DOCK3: variants seen among roughly 807,000 people sequenced by gnomAD.
DOCK3 encodes the protein dedicator of cytokinesis protein 3.
DOCK3 carries 60 observed loss-of-function variants against 265.6 expected under a neutral mutation model. That is an observed-to-expected ratio of 0.23 (90% confidence interval 0.18 to 0.28). DOCK3 has a LOEUF of 0.28. Among genes scored for constraint, DOCK3 ranks in the 10% least tolerant of loss-of-function variants. DOCK3 has a pLI of 1.00. For missense variants in DOCK3, 1,981 were observed against 2,594.3 expected (o/e 0.76, Z 5.14); for synonymous variants, 881 against 938.0 (o/e 0.94, Z 1.11).
intron 9 of DOCK3, among the ~76,000 whole-genome samples, chr3:51,133,888 G>A (rs1186225867): frequency 2.0e-5 from 3 of 152,070 alleles, no homozygotes; most frequent in Non-Finnish European, 4.4e-5. Context: ...CAGGTACTAA[G>A]CCTAGTACCT....
At chr3:50,959,210 AT>A (rs1375668880) in intron 5 of DOCK3, among the ~76,000 whole-genome samples, 1 of 152,158 alleles carries the variant, frequency 6.6e-6, no homozygotes, top group Non-Finnish European at 1.5e-5. Flanking sequence ...GCATTTATTG[AT>A]GAATGGGTTG....
chr3:51,265,978 T>C (rs1469360642), intron 23 of DOCK3, among the ~76,000 whole-genome samples: 1 of 152,206 alleles, frequency 6.6e-6, no homozygotes, highest in Admixed American at 6.5e-5. Flanking sequence ...CTCCTTAAGC[T>C]GATAAGCAAC....
At chr3:51,134,865 C>T (rs1414098103) in intron 9 of DOCK3, among the ~76,000 whole-genome samples, 1 of 152,162 alleles carries the variant, frequency 6.6e-6, no homozygotes, top group African/African-American at 2.4e-5. Flanking sequence ...AACTTTACTA[C>T]TCTCTACTTT....
chr3:50,870,396 C>T (rs1002871585), intron 3 of DOCK3, among the ~76,000 whole-genome samples: 2 of 152,038 alleles, frequency 1.3e-5, no homozygotes, highest in African/African-American at 4.8e-5. Context: ...TAATTTTTGT[C>T]TTGAAATCTA....
In DOCK3 at chr3:51,354,976, A is replaced by G. The variant is rs759049811; in HGVS notation, c.4202A>G (p.Gln1401Arg). Residue 1401 changes from glutamine to arginine, a missense_variant, in exon 41 of 53, where the codon CAG becomes CGG. Physicochemically the swap from Gln to Arg is conservative, Grantham distance 43. Transcript: ENST00000266037. ...GAGTTTCCGCAGGCTGTCGCCATGC[A>G]GCACCCCAACCATCCTGATGACGCC... is the stretch of plus-strand genomic sequence containing the variant. ...LSEFPQAVAM[Q>R]HPNHPDDAIL... is the part of the protein sequence containing the mutation. 1 of 1,613,926 alleles carries G rather than the reference A, an allele frequency of 6.2e-7. No homozygotes were observed. The highest frequency in any genetic ancestry group is 8.5e-7 in the Non-Finnish European group (1 of 1,179,850).
intron 24 of DOCK3, among the ~76,000 whole-genome samples, chr3:51,272,629 A>T (rs2108896304): frequency 6.6e-6 from 1 of 151,974 alleles, no homozygotes; most frequent in African/African-American, 2.4e-5. Context: ...TTCTCAGCCC[A>T]CTGCTACACA....
At chr3:50,724,513 A>T (rs1252506093) in intron 1 of DOCK3, among the ~76,000 whole-genome samples, 1 of 152,208 alleles carries the variant, frequency 6.6e-6, no homozygotes, top group East Asian at 1.9e-4. Flanking sequence ...ATGCAGCCAT[A>T]AAAAAGGATG....
chr3:51,058,564 A>G (rs1222599227), intron 5 of DOCK3, among the ~76,000 whole-genome samples: 1 of 152,224 alleles, frequency 6.6e-6, no homozygotes, highest in African/African-American at 2.4e-5. Flanking sequence ...GTACATGTAT[A>G]TGCATTAATA....
At chr3:50,832,929 T>C (rs1193480108) in intron 2 of DOCK3, among the ~76,000 whole-genome samples, 2 of 152,206 alleles carry the variant, frequency 1.3e-5, no homozygotes, top group African/African-American at 4.8e-5. Context: ...TAATAAGTCT[T>C]CAATTTAAGA....
chr3:51,032,627 G>C (rs1357647247), intron 5 of DOCK3, among the ~76,000 whole-genome samples: 1 of 152,086 alleles, frequency 6.6e-6, no homozygotes, highest in Admixed American at 6.6e-5. Flanking sequence ...AAATGTGGAA[G>C]CTGGGTACAG....
At chr3:50,701,880 G>A (rs976455176) in intron 1 of DOCK3, among the ~76,000 whole-genome samples, 3 of 152,226 alleles carry the variant, frequency 2.0e-5, no homozygotes, top group Admixed American at 6.5e-5. Context: ...GCTGTAAATA[G>A]GTGGATTTAT....
intron 29 of DOCK3, 93 bp downstream of exon 29, chr3:51,312,172 A>G: frequency 8.6e-7 from 1 of 1,160,636 alleles, no homozygotes; most frequent in East Asian, 2.6e-5. Context: ...TAATAGATTC[A>G]TAGTATCAAA....
intron 45 of DOCK3, 31 bp from the exon 46 acceptor site, chr3:51,357,930 C>T: frequency 6.2e-7 from 1 of 1,613,530 alleles, no homozygotes. Context: ...ACTCATGGTT[C>T]ACAGAGTGGC....
chr3:50,913,013 A>G (rs1430954270), intron 4 of DOCK3, among the ~76,000 whole-genome samples: 1 of 152,036 alleles, frequency 6.6e-6, no homozygotes, highest in African/African-American at 2.4e-5. Context: ...ACTTTTCTCA[A>G]GCGGAAGTCT....
At chr3:51,198,471 T>C (rs1403247817) in intron 12 of DOCK3, among the ~76,000 whole-genome samples, 1 of 149,988 alleles carries the variant, frequency 6.7e-6, no homozygotes. Context: ...AGTCAAAGAG[T>C]GACAGAGACT....
At chr3:51,372,094 G>A (rs778586162) in intron 49 of DOCK3, among the ~76,000 whole-genome samples, 33 of 152,274 alleles carry the variant, frequency 2.2e-4, no homozygotes, top group Middle Eastern at 6.8e-3. Flanking sequence ...GCACTGTATC[G>A]GTCAATGAGA....
At chr3:51,185,489 C>A (rs2087544285) in intron 12 of DOCK3, among the ~76,000 whole-genome samples, 1 of 152,160 alleles carries the variant, frequency 6.6e-6, no homozygotes, top group Non-Finnish European at 1.5e-5. Context: ...CTGTAAAGAT[C>A]AAACAAAATG....
chr3:51,060,733 G>T (rs138715742), intron 5 of DOCK3, among the ~76,000 whole-genome samples: 2 of 152,096 alleles, frequency 1.3e-5, no homozygotes, highest in Non-Finnish European at 2.9e-5. Flanking sequence ...TGAGGGCTCT[G>T]TTCTGTTCCA....
Position 51,314,965 on chromosome 3 carries a change from G to A in DOCK3, c.3254-15G>A. The A allele has an allele frequency of 6.3e-7, 1 of 1,594,192 alleles. No individual in the cohort carries two copies. Among genetic ancestry groups the A allele is most frequent in the Non-Finnish European group, 8.6e-7 (1 of 1,167,408 alleles). On this transcript the variant is annotated splice_polypyrimidine_tract_variant and intron_variant, in intron 31 of 52. Coordinates refer to ENST00000266037, the MANE Select transcript of DOCK3 (RefSeq NM_004947.5). ...AGCAAAGCAGGCATAAACTAATTTG[G>A]GTTTTGTTTTTCAGGTGAACATAAG...
Sources: allele counts gnomAD v4.1 joint callset (sites outside exome capture counted in the v4.1 genomes callset), GRCh38; gene constraint gnomAD v4.1.1; transcripts MANE v1.5; gene names NCBI Gene and HGNC (gene_info 2026-07-23, HGNC 2026-07-21).